Variants in TRIM15 observed in about 807,000 individuals in gnomAD.
TRIM15 encodes the protein E3 ubiquitin-protein ligase TRIM15.
In TRIM15, 35 loss-of-function variants were observed where a neutral mutation model predicts 35.8. That is an observed-to-expected ratio of 0.98 (90% CI 0.75 to 1.30). TRIM15 has a LOEUF of 1.30. TRIM15 is among the 50% of genes most tolerant of loss of function. TRIM15 has a pLI of 0.00. For missense variants in TRIM15, 590 were observed against 593.5 expected, an observed-to-expected ratio of 0.99 and a Z score of 0.06; for synonymous variants, 252 against 249.8, an observed-to-expected ratio of 1.01 and a Z score of -0.08.
intron 5 of TRIM15, among the ~76,000 whole-genome samples, 176 bp from the exon 6 acceptor site, chr6:30,170,800 G>A (rs1773957504): frequency 6.6e-6 from 1 of 152,042 alleles, no homozygotes; most frequent in Non-Finnish European, 1.5e-5. Flanking sequence ...ACTCCCTAAG[G>A]ACAGGTGCAG....
chr6:30,171,419 T>A (rs923269212), intron 6 of TRIM15, among the ~76,000 whole-genome samples: 7 of 152,382 alleles, frequency 4.6e-5, no homozygotes, highest in East Asian at 1.9e-4. Flanking sequence ...TGCAATTTTT[T>A]AAAAATCACA....
intron 4 of TRIM15, 64 bp from the exon 5 acceptor site, chr6:30,170,437 G>A: frequency 2.0e-5 from 20 of 992,170 alleles, no homozygotes; most frequent in Non-Finnish European, 3.0e-5. Flanking sequence ...TTAGCCTCAC[G>A]TGGTCTCACC....
rs560609513 is a variant in TRIM15 at position 30,170,926 on chromosome 6, A to T, written c.848-50A>T. 1.3e-5 allele frequency: 20 copies of T among 1,592,714 alleles called. No homozygotes were observed. In the African/African-American group the frequency reaches 2.0e-4, roughly 16 times the overall value. On this transcript the variant is annotated intron_variant, in intron 5 of 6. Transcript: ENST00000376694. Reference sequence around the variant, plus strand: ...AGTCACCTTGCCCCTGGGGGTGCCTATAAGAAGTAATAAGTCACAGATCTC... The same window carrying T: ...AGTCACCTTGCCCCTGGGGGTGCCTTTAAGAAGTAATAAGTCACAGATCTC...
At chr6:30,171,733 C>G in intron 6 of TRIM15, 99 bp from the exon 7 acceptor site, 1 of 1,407,546 alleles carries the variant, frequency 7.1e-7, no homozygotes, top group Non-Finnish European at 9.3e-7. Context: ...GGCAGGCTGC[C>G]CAAGTCCAGT....
Position 30,172,324 on chromosome 6 carries a change from G to T in TRIM15, c.1373G>T (p.Gly458Val), listed in dbSNP as rs557429382. The T allele has an allele frequency of 1.4e-5, 23 of 1,611,130 alleles. No individual in the cohort carries two copies. The highest frequency in any genetic ancestry group is 1.5e-5 in the Non-Finnish European group (18 of 1,179,088). The change falls in exon 7 of 7, where the codon GGT (glycine) becomes GTT (valine). Residue 458 changes from glycine (G) to valine (V), a missense_variant. Physicochemically the swap from Gly to Val is moderately radical, Grantham distance 109. Transcript: ENST00000376694. ...CCTTTCTTTGCCGTCTGGAAAAAAG[G>T]TTCCTGCCTTACGCTGAAAGGCTGA... is the stretch of plus-strand genomic sequence containing the variant. Reference protein sequence around the residue: ...VFPFFAVWKKGSCLTLKG With the variant: ...VFPFFAVWKKVSCLTLKG
intron 3 of TRIM15, 110 bp from the exon 4 acceptor site, chr6:30,169,131 C>A: frequency 1.5e-6 from 2 of 1,291,310 alleles, no homozygotes; most frequent in Non-Finnish European, 2.2e-6. Context: ...GGACAACTCT[C>A]TGCAGAAGGA....
At chr6:30,168,771 C>T (rs942242507) in intron 3 of TRIM15, among the ~76,000 whole-genome samples, 1 of 152,148 alleles carries the variant, frequency 6.6e-6, no homozygotes, top group Admixed American at 6.5e-5. Flanking sequence ...GAGTGAGTCT[C>T]TTAGCCTCTC....
At chr6:30,171,145 C>A in intron 6 of TRIM15, 137 bp downstream of exon 6, 3 of 960,224 alleles carry the variant, frequency 3.1e-6, no homozygotes, top group African/African-American at 1.6e-5. Context: ...AGCTCTGAGA[C>A]ACTGGGCAAG....
intron 1 of TRIM15, among the ~76,000 whole-genome samples, chr6:30,164,740 C>A (rs1423843178): frequency 1.3e-5 from 2 of 152,212 alleles, no homozygotes; most frequent in Non-Finnish European, 2.9e-5. Context: ...CATTCTCACC[C>A]TTTCCAGTCA....
chr6:30,172,058 G>A lies in TRIM15; in HGVS notation c.1107G>A (p.Gly369=). The change falls in exon 7 of 7, where the codon GGG becomes GGA. Residue 369 remains glycine, a synonymous_variant. Transcript: ENST00000376694. ...GCGGCTGCACGGTGGGGGTGGCCGG[G>A]GAGGGGGTGAGGAGGAAGGGAGAGA... ...DGGGCTVGVA[G]EGVRRKGEMG... 6.4e-7 allele frequency: 1 copy of A among 1,570,546 alleles called. No homozygotes were observed. Among genetic ancestry groups the A allele is most frequent in the Non-Finnish European group, 8.6e-7 (1 of 1,158,064 alleles).
intron 3 of TRIM15, 87 bp from the exon 4 acceptor site, chr6:30,169,154 C>A: frequency 6.6e-7 from 1 of 1,510,566 alleles, no homozygotes; most frequent in Non-Finnish European, 9.2e-7. Flanking sequence ...GTTTTGAGTT[C>A]ATATTTTAAG....
At chr6:30,167,065 C>A (rs556644851) in intron 1 of TRIM15, 111 bp from the exon 2 acceptor site, 19 of 890,616 alleles carry the variant, frequency 2.1e-5, no homozygotes, top group East Asian at 2.0e-4. Flanking sequence ...TGGGCCTTTT[C>A]CACCTTTGAA....
At chr6:30,166,230 G>C (rs1341739618) in intron 1 of TRIM15, among the ~76,000 whole-genome samples, 1 of 152,114 alleles carries the variant, frequency 6.6e-6, no homozygotes, top group Non-Finnish European at 1.5e-5. Context: ...GGTTTTTATG[G>C]TTTTAGGTCT....
chr6:30,163,775 T>G lies in TRIM15; in HGVS notation c.91T>G (p.Cys31Gly). 1.2e-6 allele frequency: 2 copies of G among 1,613,034 alleles called. No homozygotes were observed. The highest frequency in any genetic ancestry group is 1.7e-6 in the Non-Finnish European group (2 of 1,180,024). ...GPLEDAVTIP[C>G]GHTFCRLCLP... is the part of the protein sequence containing the mutation. ...GCTGGAGGATGCGGTGACCATTCCCTGTGGACACACCTTCTGCCGGCTCTG... is the reference window on the plus strand; with the variant it reads ...GCTGGAGGATGCGGTGACCATTCCCGGTGGACACACCTTCTGCCGGCTCTG... The change falls in exon 1 of 7, where the codon TGT becomes GGT. Residue 31 changes from cysteine to glycine, a missense_variant. Physicochemically the swap from Cys to Gly is radical, Grantham distance 159. Coordinates refer to ENST00000376694, the MANE Select transcript of TRIM15 (RefSeq NM_033229.3).
intron 4 of TRIM15, 149 bp downstream of exon 4, chr6:30,169,412 C>A: frequency 1.2e-6 from 1 of 853,322 alleles, no homozygotes; most frequent in Non-Finnish European, 2.0e-6. Context: ...ACAAACAGTC[C>A]AAACTCACTA....
In TRIM15 at chr6:30,168,513, G is replaced by A; in HGVS notation, c.691G>A (p.Ala231Thr). Residue 231 changes from alanine (A) to threonine (T), a missense_variant, in exon 3 of 7, where the codon GCA becomes ACA. Physicochemically the swap from Ala to Thr is moderately conservative, Grantham distance 58. Coordinates refer to ENST00000376694, the MANE Select transcript of TRIM15 (RefSeq NM_033229.3). ...GCTGGAGGAGAAGTGTCAGCAGCCAGCAAGTGAGCTTCTACAAGTGAGAGA... is the reference window on the plus strand; with the variant it reads ...GCTGGAGGAGAAGTGTCAGCAGCCAACAAGTGAGCTTCTACAAGTGAGAGA... ...KELEEKCQQP[A>T]SELLQDVRVN... 6.3e-7 allele frequency: 1 copy of A among 1,599,056 alleles called. No homozygotes were observed. Among genetic ancestry groups the A allele is most frequent in the Non-Finnish European group, 8.5e-7 (1 of 1,172,380 alleles).
Position 30,163,548 on chromosome 6 carries a change from C to CTCTTTCTCTCTCTCTG in TRIM15, c.-134_-133insTTCTCTCTCTCTGTCT. The CTCTTTCTCTCTCTCTG allele has an allele frequency of 1.8e-6, 2 of 1,132,924 alleles. No homozygotes were observed. Among genetic ancestry groups the CTCTTTCTCTCTCTCTG allele is most frequent in the Non-Finnish European group, 2.4e-6 (2 of 843,858 alleles). 70.2% of individuals were successfully genotyped at this position (1,132,924 alleles called of 1,614,324 possible). Reference sequence around the variant, plus strand: ...CCTGTGCTGGCATTCTTGCCTCTCTCTCTCTTTCTCTCTCTCTGTCTCTTA... The same window carrying CTCTTTCTCTCTCTCTG: ...CCTGTGCTGGCATTCTTGCCTCTCTCTCTTTCTCTCTCTCTGTCTCTTTCTCTCTCTCTGTCTCTTA... On this transcript the variant is annotated 5_prime_UTR_variant, in exon 1 of 7. Coordinates refer to ENST00000376694, the MANE Select transcript of TRIM15 (RefSeq NM_033229.3).
In TRIM15 at chr6:30,163,768, C is replaced by T. The variant is rs1581590839; in HGVS notation, c.84C>T (p.Thr28=). 6.2e-7 allele frequency: 1 copy of T among 1,613,028 alleles called. No homozygotes were observed. The highest frequency in any genetic ancestry group is 1.1e-5 in the South Asian group (1 of 91,078). ...LCAGPLEDAV[T]IPCGHTFCRL... ...CGGGGCCGCTGGAGGATGCGGTGACCATTCCCTGTGGACACACCTTCTGCC... is the reference window on the plus strand; with the variant it reads ...CGGGGCCGCTGGAGGATGCGGTGACTATTCCCTGTGGACACACCTTCTGCC... Residue 28 remains threonine (T), a synonymous_variant, in exon 1 of 7, where the codon ACC becomes ACT. Coordinates refer to ENST00000376694, the MANE Select transcript of TRIM15 (RefSeq NM_033229.3).
chr6:30,167,049 A>G, intron 1 of TRIM15, 127 bp from the exon 2 acceptor site: 2 of 721,906 alleles, frequency 2.8e-6, no homozygotes, highest in East Asian at 5.1e-5. Flanking sequence ...TCTTTAGGGC[A>G]AGGACTGGGC....
Sources: gnomAD v4.1 joint callset for allele counts (sites outside exome capture counted in the v4.1 genomes callset) on GRCh38, gnomAD v4.1.1 for gene constraint, MANE v1.5 for transcripts, NCBI Gene and HGNC (gene_info 2026-07-23, HGNC 2026-07-21) for gene names.